Variants in INS observed in about 807,000 individuals in gnomAD.
The protein encoded by INS is preproinsulin.
A neutral mutation model predicts 10.5 loss-of-function variants in INS; 6 were observed. That is an observed-to-expected ratio of 0.57 (90% CI 0.31 to 1.13). The LOEUF is 1.13. Ranked by LOEUF, INS falls within the 50% of genes most tolerant of loss-of-function variation. The pLI, the probability that INS is intolerant of heterozygous loss-of-function variation, is 0.05. For synonymous variants in INS, 71 were observed against 62.7 expected, an observed-to-expected ratio of 1.13 and a Z score of -0.63; for missense variants, 109 against 138.6, an observed-to-expected ratio of 0.79 and a Z score of 1.07.
At position 2,160,855 on chromosome 11, in the gene INS, G is replaced by C; in HGVS notation, c.117C>G (p.Leu39=). The change falls in exon 2 of 3, where the codon CTC becomes CTG. Residue 39 remains leucine (L), a synonymous_variant. Coordinates refer to ENST00000381330, the MANE Select transcript of INS (RefSeq NM_000207.3). ...AGCCTCGTTCCCCGCACACTAGGTA[G>C]AGAGCTTCCACCAGGTGTGAGCCGC... ...HLCGSHLVEA[L]YLVCGERGFF... The C allele has an allele frequency of 3.1e-6, 5 of 1,612,736 alleles. No homozygotes were observed. Among genetic ancestry groups the C allele is most frequent in the Non-Finnish European group, 4.2e-6 (5 of 1,179,852 alleles).
chr11:2,159,993 C>A lies in INS; in HGVS notation c.192G>T (p.Gly64=), dbSNP rs1229784167. ...CAGGGCCCCCGCCCAGCTCCACCTG[C>A]CCCACTGCCAGGACGTGCCGCGCAG... ...TRREAEDLQV[G]QVELGGGPGA... The change falls in exon 3 of 3, where the codon GGG becomes GGT. Residue 64 remains glycine, a synonymous_variant. Coordinates refer to ENST00000381330, the MANE Select transcript of INS (RefSeq NM_000207.3). The A allele has an allele frequency of 6.3e-7, 1 of 1,583,434 alleles. No individual in the cohort carries two copies. Among genetic ancestry groups the A allele is most frequent in the East Asian group, 2.3e-5 (1 of 43,848 alleles).
At position 2,160,394 on chromosome 11, in the gene INS, G is replaced by A. The variant is rs556749542; in HGVS notation, c.187+391C>T. ...CTCCTCCGGGCGTGATGGGGTGTTC[G>A]CCCAGAGGCAGGCAGCGTGGGGCAC... is the stretch of plus-strand genomic sequence containing the variant. On this transcript the variant is annotated intron_variant, in intron 2 of 2. Transcript: ENST00000381330. Among the ~76,000 whole-genome samples, 35 of 152,346 alleles carry A rather than the reference G, an allele frequency of 2.3e-4. No individual in the cohort carries two copies. In the South Asian group the frequency reaches 6.0e-3, roughly 26 times the overall value.
intron 2 of INS, among the ~76,000 whole-genome samples, 190 bp downstream of exon 2, chr11:2,160,595 G>A (rs1314785995): frequency 6.6e-6 from 1 of 152,234 alleles, no homozygotes; most frequent in Non-Finnish European, 1.5e-5. Flanking sequence ...TCCTCAGGCT[G>A]AGATTCTGAC....
chr11:2,160,689 G>T, intron 2 of INS, 96 bp downstream of exon 2: 2 of 1,490,342 alleles, frequency 1.3e-6, no homozygotes, highest in Non-Finnish European at 1.8e-6. Flanking sequence ...CTGCTGGGTG[G>T]CAGCCTCCTG....
Position 2,160,932 on chromosome 11 carries a change from G to A in INS, c.40C>T (p.Leu14=), listed in dbSNP as rs774043636. Residue 14 remains leucine, a synonymous_variant, in exon 2 of 3, where the codon CTG becomes TTG. Transcript: ENST00000381330. ...GCTGGGTCAGGTCCCCAGAGGGCCA[G>A]CAGCGCCAGCAGGGGCAGGAGGCGC... ...WMRLLPLLAL[L]ALWGPDPAAA... 6.2e-7 allele frequency: 1 copy of A among 1,612,608 alleles called. No homozygotes were observed. The highest frequency in any genetic ancestry group is 1.1e-5 in the South Asian group (1 of 91,086).
chr11:2,160,825 G>T lies in INS; in HGVS notation c.147C>A (p.Phe49Leu). The T allele has an allele frequency of 6.2e-7, 1 of 1,612,628 alleles. No individual in the cohort carries two copies. The highest frequency in any genetic ancestry group is 8.5e-7 in the Non-Finnish European group (1 of 1,179,790). ...CCTCCCGGCGGGTCTTGGGTGTGTA[G>T]AAGAAGCCTCGTTCCCCGCACACTA... is the stretch of plus-strand genomic sequence containing the variant. Reference protein sequence around the residue: ...LYLVCGERGFFYTPKTRREAE... With the variant: ...LYLVCGERGFLYTPKTRREAE... Residue 49 changes from phenylalanine to leucine, a missense_variant, in exon 2 of 3, where the codon TTC becomes TTA. Physicochemically the swap from Phe to Leu is conservative, Grantham distance 22. Coordinates refer to ENST00000381330, the MANE Select transcript of INS (RefSeq NM_000207.3).
chr11:2,159,807 C>T lies in INS; in HGVS notation c.*45G>A, dbSNP rs763029961. 1.2e-6 allele frequency: 2 copies of T among 1,601,052 alleles called. No homozygotes were observed. The highest frequency in any genetic ancestry group is 1.3e-5 in the African/African-American group (1 of 74,844). On this transcript the variant is annotated 3_prime_UTR_variant, in exon 3 of 3. Coordinates refer to ENST00000381330, the MANE Select transcript of INS (RefSeq NM_000207.3). Reference sequence around the variant, plus strand: ...GGTTCAAGGGCTTTATTCCATCTCTCTCGGTGCAGGAGGCGGCGGGTGTGG... The same window carrying T: ...GGTTCAAGGGCTTTATTCCATCTCTTTCGGTGCAGGAGGCGGCGGGTGTGG...
chr11:2,160,684 G>A, intron 2 of INS, 101 bp downstream of exon 2: 1 of 1,452,138 alleles, frequency 6.9e-7, no homozygotes, highest in Non-Finnish European at 9.5e-7. Context: ...ACCCCCTGCT[G>A]GGTGGCAGCC....
intron 1 of INS, 41 bp from the exon 2 acceptor site, chr11:2,161,029 G>A: frequency 6.3e-7 from 1 of 1,589,454 alleles, no homozygotes. Flanking sequence ...AAGGCCAGGT[G>A]CCCTGCCTTG....
In INS at chr11:2,159,993, C is replaced by T; in HGVS notation, c.192G>A (p.Gly64=). Residue 64 remains glycine, a synonymous_variant, in exon 3 of 3, where the codon GGG becomes GGA. Transcript: ENST00000381330. ...TRREAEDLQV[G]QVELGGGPGA... ...CAGGGCCCCCGCCCAGCTCCACCTG[C>T]CCCACTGCCAGGACGTGCCGCGCAG... 6.3e-7 allele frequency: 1 copy of T among 1,583,434 alleles called. No individual in the cohort carries two copies.
In INS at chr11:2,161,172, T is replaced by C. The variant is rs1845888462; in HGVS notation, c.-22A>G. 2 of 686,004 alleles carry C rather than the reference T, an allele frequency of 2.9e-6. No individual in the cohort carries two copies. The highest frequency in any genetic ancestry group is 4.8e-6 in the Non-Finnish European group (2 of 418,294). 42.5% of individuals were successfully genotyped at this position (686,004 alleles called of 1,614,324 possible). The stretch of plus-strand genomic sequence containing the variant: ...GCAAAGGCCCTTGGAACAGACCTGC[T>C]TGATGGCCTCTTCTGATGCAGCCTG... On this transcript the variant is annotated 5_prime_UTR_variant, in exon 1 of 3. Transcript: ENST00000381330.
chr11:2,160,748 G>T, intron 2 of INS, 37 bp downstream of exon 2: 1 of 1,602,964 alleles, frequency 6.2e-7, no homozygotes, highest in Non-Finnish European at 8.5e-7. Context: ...GGGGGTGGCT[G>T]GGGGCGGCCA....
Position 2,159,948 on chromosome 11 carries a change from G to A in INS, c.237C>T (p.Pro79=), listed in dbSNP as rs1450763896. Reference sequence around the variant, plus strand: ...TCTGCAGGGACCCCTCCAGGGCCAAGGGCTGCAGGCTGCCTGCACCAGGGC... The same window carrying A: ...TCTGCAGGGACCCCTCCAGGGCCAAAGGCTGCAGGCTGCCTGCACCAGGGC... The part of the protein sequence containing the change: ...GGGPGAGSLQ[P]LALEGSLQKR... Residue 79 remains proline (P), a synonymous_variant, in exon 3 of 3, where the codon CCC becomes CCT. Coordinates refer to ENST00000381330, the MANE Select transcript of INS (RefSeq NM_000207.3). 4 of 1,595,776 alleles carry A rather than the reference G, an allele frequency of 2.5e-6. No homozygotes were observed. Among genetic ancestry groups the A allele is most frequent in the Non-Finnish European group, 3.4e-6 (4 of 1,172,728 alleles).
At chr11:2,161,122 C>T in intron 1 of INS, 46 bp downstream of exon 1, 1 of 1,131,462 alleles carries the variant, frequency 8.8e-7, no homozygotes, top group South Asian at 1.6e-5. Flanking sequence ...GGTCCAGCCA[C>T]CCTGGAATCC....
rs574629011 is a variant in INS at position 2,160,012 on chromosome 11, C to T, written c.188-15G>A. 5.7e-6 allele frequency: 9 copies of T among 1,573,134 alleles called. No individual in the cohort carries two copies. Among genetic ancestry groups the T allele is most frequent in the Admixed American group, 1.8e-5 (1 of 54,192 alleles). ...CACCTGCCCCACTGCCAGGACGTGC[C>T]GCGCAGAGCAGGTTCCGGAACAGCG... On this transcript the variant is annotated splice_polypyrimidine_tract_variant and intron_variant, in intron 2 of 2. Coordinates refer to ENST00000381330, the MANE Select transcript of INS (RefSeq NM_000207.3).
At chr11:2,161,122 C>A in intron 1 of INS, 46 bp downstream of exon 1, 13 of 1,131,462 alleles carry the variant, frequency 1.1e-5, no homozygotes, top group Non-Finnish European at 1.6e-5. Context: ...GGTCCAGCCA[C>A]CCTGGAATCC....
In INS at chr11:2,159,805, C is replaced by G; in HGVS notation, c.*47G>C. On this transcript the variant is annotated 3_prime_UTR_variant, in exon 3 of 3. Transcript: ENST00000381330. ...CTGGTTCAAGGGCTTTATTCCATCTCTCTCGGTGCAGGAGGCGGCGGGTGT... is the reference window on the plus strand; with the variant it reads ...CTGGTTCAAGGGCTTTATTCCATCTGTCTCGGTGCAGGAGGCGGCGGGTGT... 1 of 1,599,216 alleles carries G rather than the reference C, an allele frequency of 6.3e-7. No individual in the cohort carries two copies. The highest frequency in any genetic ancestry group is 8.5e-7 in the Non-Finnish European group (1 of 1,172,576).
At chr11:2,160,102 T>A in intron 2 of INS, 105 bp from the exon 3 acceptor site, 1 of 1,232,742 alleles carries the variant, frequency 8.1e-7, no homozygotes, top group Non-Finnish European at 1.1e-6. Flanking sequence ...CCGCCAGCCC[T>A]AGGTCGCACT....
Position 2,159,903 on chromosome 11 carries a change from T to C in INS, c.282A>G (p.Gln94=). 2 of 1,608,488 alleles carry C rather than the reference T, an allele frequency of 1.2e-6. No individual in the cohort carries two copies. Among genetic ancestry groups the C allele is most frequent in the African/African-American group, 1.3e-5 (1 of 75,006 alleles). ...AGAGGGAGCAGATGCTGGTACAGCA[T>C]TGTTCCACAATGCCACGCTTCTGCA... ...GSLQKRGIVE[Q]CCTSICSLYQ... The change falls in exon 3 of 3, where the codon CAA becomes CAG. Residue 94 remains glutamine, a synonymous_variant. Coordinates refer to ENST00000381330, the MANE Select transcript of INS (RefSeq NM_000207.3).
Sources: gnomAD v4.1 joint callset for allele counts (sites outside exome capture counted in the v4.1 genomes callset) on GRCh38, gnomAD v4.1.1 for gene constraint, MANE v1.5 for transcripts, NCBI Gene and HGNC (gene_info 2026-07-23, HGNC 2026-07-21) for gene names.